UNC5C: variants seen among roughly 807,000 people sequenced by gnomAD.
UNC5C encodes unc-5 netrin receptor C.
Under a neutral mutation model 99.8 loss-of-function variants are expected in UNC5C, and 47 were observed. The ratio of observed to expected loss-of-function variants is 0.47; its 90% CI spans 0.37 to 0.60. The LOEUF (loss-of-function observed/expected upper bound fraction) is 0.60. Among genes scored for constraint, UNC5C ranks in the 20% least tolerant of loss-of-function variants. UNC5C has a pLI of 0.00. For synonymous variants in UNC5C, 487 were observed against 452.2 expected, an observed-to-expected ratio of 1.08 and a Z score of -0.98; for missense variants, 1,062 against 1,165.9, an observed-to-expected ratio of 0.91 and a Z score of 1.30.
At chr4:95,301,980 G>A (rs917379057) in intron 2 of UNC5C, among the ~76,000 whole-genome samples, 4 of 152,190 alleles carry the variant, frequency 2.6e-5, no homozygotes, top group African/African-American at 9.7e-5. Flanking sequence ...GAGGATGAAA[G>A]TAGAAGGGCT....
intron 3 of UNC5C, among the ~76,000 whole-genome samples, chr4:95,289,075 G>A (rs1741348947): frequency 6.6e-6 from 1 of 152,136 alleles, no homozygotes; most frequent in Non-Finnish European, 1.5e-5. Context: ...TCCATAAAAT[G>A]AAGATAATTC....
chr4:95,265,671 T>C (rs917218861), intron 4 of UNC5C, among the ~76,000 whole-genome samples: 2 of 152,202 alleles, frequency 1.3e-5, no homozygotes, highest in African/African-American at 4.8e-5. Context: ...ACACAGACAA[T>C]TTGTGTCATT....
intron 3 of UNC5C, among the ~76,000 whole-genome samples, chr4:95,296,398 G>A (rs1221786792): frequency 1.3e-5 from 2 of 152,104 alleles, no homozygotes; most frequent in Non-Finnish European, 2.9e-5. Flanking sequence ...TTTGAAAATA[G>A]ATTGAAAAGC....
chr4:95,263,162 G>A (rs1050315131), intron 4 of UNC5C, among the ~76,000 whole-genome samples: 3 of 152,054 alleles, frequency 2.0e-5, no homozygotes, highest in Non-Finnish European at 4.4e-5. Flanking sequence ...TTTCTTAATC[G>A]GTAATGTTGA....
chr4:95,385,407 A>G (rs1342725453), intron 1 of UNC5C, among the ~76,000 whole-genome samples: 2 of 152,204 alleles, frequency 1.3e-5, no homozygotes, highest in Non-Finnish European at 2.9e-5. Context: ...ATCACTAAAT[A>G]AGTAACAACT....
chr4:95,237,527 C>CT (rs1425619718), intron 7 of UNC5C, among the ~76,000 whole-genome samples: 1 of 152,108 alleles, frequency 6.6e-6, no homozygotes, highest in Admixed American at 6.5e-5. Context: ...TCTAACATGT[C>CT]TTATCCAAAC....
intron 1 of UNC5C, among the ~76,000 whole-genome samples, chr4:95,358,330 G>C (rs536957819): frequency 1.3e-5 from 2 of 152,266 alleles, no homozygotes; most frequent in South Asian, 2.1e-4. Flanking sequence ...TGCAAGAAGA[G>C]TGTTAACTCT....
chr4:95,500,813 T>C (rs1721757806), intron 1 of UNC5C, among the ~76,000 whole-genome samples: 1 of 152,174 alleles, frequency 6.6e-6, no homozygotes, highest in African/African-American at 2.4e-5. Flanking sequence ...TTTCATTTAC[T>C]GGTTATTTAA....
At chr4:95,431,768 A>C (rs1339304937) in intron 1 of UNC5C, among the ~76,000 whole-genome samples, 1 of 152,140 alleles carries the variant, frequency 6.6e-6, no homozygotes, top group Non-Finnish European at 1.5e-5. Flanking sequence ...GTACCTTTAG[A>C]AGAGACATTT....
At chr4:95,469,469 C>G (rs1747898411) in intron 1 of UNC5C, among the ~76,000 whole-genome samples, 1 of 152,020 alleles carries the variant, frequency 6.6e-6, no homozygotes, top group African/African-American at 2.4e-5. Context: ...AACCCTGCAC[C>G]CACATAAAGG....
chr4:95,237,991 G>A (rs1739184781), intron 7 of UNC5C, among the ~76,000 whole-genome samples: 1 of 152,078 alleles, frequency 6.6e-6, no homozygotes, highest in East Asian at 1.9e-4. Flanking sequence ...GCAGTGAGCC[G>A]AGTGCAACTG....
chr4:95,346,684 C>T lies in UNC5C; in HGVS notation c.125-11053G>A, dbSNP rs188252685. Among the ~76,000 whole-genome samples, 33 of 151,514 alleles carry T rather than the reference C, an allele frequency of 2.2e-4. No individual in the cohort carries two copies. The East Asian group carries it at 4.7e-3, about 21-fold the overall frequency. On this transcript the variant is annotated intron_variant, in intron 1 of 15. Coordinates refer to ENST00000453304, the MANE Select transcript of UNC5C (RefSeq NM_003728.4). ...GAGAATGAAAATCAACAACATATGA[C>T]GATGAAAACCCATTTGATAAAATTC...
chr4:95,436,670 A>C (rs1746802090), intron 1 of UNC5C, among the ~76,000 whole-genome samples: 1 of 151,968 alleles, frequency 6.6e-6, no homozygotes, highest in Non-Finnish European at 1.5e-5. Context: ...GAAATATCAG[A>C]ATATTTTGCT....
intron 1 of UNC5C, among the ~76,000 whole-genome samples, chr4:95,467,027 A>C (rs1463440615): frequency 1.3e-5 from 2 of 152,046 alleles, no homozygotes; most frequent in Non-Finnish European, 2.9e-5. Flanking sequence ...TAATGATGAC[A>C]CTCGAGCCAT....
intron 2 of UNC5C, among the ~76,000 whole-genome samples, chr4:95,328,535 T>G (rs1465905370): frequency 1.4e-5 from 2 of 142,004 alleles, no homozygotes; most frequent in Non-Finnish European, 3.1e-5. Context: ...TACGTGTGCA[T>G]GTGTCTTTAT....
At chr4:95,248,461 C>T (rs1227444348) in intron 5 of UNC5C, 9 of 442,044 alleles carry the variant, frequency 2.0e-5, no homozygotes, top group Non-Finnish European at 3.6e-5. Flanking sequence ...TTATCTGGAT[C>T]GTAACTTCCC....
Position 95,245,050 on chromosome 4 carries a change from C to A in UNC5C, c.870G>T (p.Pro290=). The A allele has an allele frequency of 6.2e-7, 1 of 1,614,016 alleles. No homozygotes were observed. The highest frequency in any genetic ancestry group is 8.5e-7 in the Non-Finnish European group (1 of 1,179,992). Residue 290 remains proline (P), a synonymous_variant, in exon 6 of 16, where the codon CCG becomes CCT. Coordinates refer to ENST00000453304, the MANE Select transcript of UNC5C (RefSeq NM_003728.4). ...AGAAGGCACCCCCATTGAGTGGTGC[C>A]GGGTTGGTACAAGTCCTTGTACGTT... is the stretch of plus-strand genomic sequence containing the variant. ...YQKRTRTCTN[P]APLNGGAFCE... is the part of the protein sequence containing the mutation.
At chr4:95,539,269 A>T (rs1436919318) in intron 1 of UNC5C, among the ~76,000 whole-genome samples, 3 of 152,194 alleles carry the variant, frequency 2.0e-5, no homozygotes, top group Non-Finnish European at 4.4e-5. Context: ...AAACAACAGC[A>T]GTTCTCCTCC....
At chr4:95,336,468 T>C (rs1242771578) in intron 1 of UNC5C, among the ~76,000 whole-genome samples, 2 of 151,908 alleles carry the variant, frequency 1.3e-5, no homozygotes, top group African/African-American at 4.8e-5. Flanking sequence ...TTTTACAAGT[T>C]CTTTAAATGT....
Sources: allele counts gnomAD v4.1 joint callset (sites outside exome capture counted in the v4.1 genomes callset), GRCh38; gene constraint gnomAD v4.1.1; transcripts MANE v1.5; gene names NCBI Gene and HGNC (gene_info 2026-07-23, HGNC 2026-07-21).